Variants in KHDRBS3 observed in about 807,000 individuals in gnomAD.
KHDRBS3 encodes the protein KH RNA binding domain containing, signal transduction associated 3, also known as KH domain-containing, RNA-binding, signal transduction-associated protein 3.
A neutral mutation model predicts 45.6 loss-of-function variants in KHDRBS3; 23 were observed. The ratio of observed to expected loss-of-function variants is 0.50; its 90% CI spans 0.36 to 0.72. The LOEUF is 0.72. Ranked by LOEUF, KHDRBS3 falls within the 30% of genes least tolerant of loss-of-function variation. The pLI, the probability that KHDRBS3 is intolerant of heterozygous loss-of-function variation, is 0.00. For synonymous variants in KHDRBS3, 162 were observed against 156.5 expected (o/e 1.04, Z -0.26); for missense variants, 352 against 424.8 (o/e 0.83, Z 1.51).
chr8:135,646,616 A>G (rs947762293), intron 8 of KHDRBS3, among the ~76,000 whole-genome samples: 1 of 152,090 alleles, frequency 6.6e-6, no homozygotes, highest in African/African-American at 2.4e-5. Context: ...CATCTAAGTG[A>G]TCCTTTTCCC....
intron 1 of KHDRBS3, among the ~76,000 whole-genome samples, chr8:135,518,423 C>T (rs767902611): frequency 6.6e-6 from 1 of 152,108 alleles, no homozygotes; most frequent in African/African-American, 2.4e-5. Flanking sequence ...ATCCACCCGC[C>T]TCGGCCTCCC....
intron 1 of KHDRBS3, among the ~76,000 whole-genome samples, chr8:135,469,935 A>C (rs139150237): frequency 1.3e-3 from 201 of 152,374 alleles, no homozygotes; most frequent in Non-Finnish European, 2.0e-3. Context: ...GCTTGAGCAT[A>C]AAGATGGAGG....
chr8:135,488,121 T>G (rs1337937809), intron 1 of KHDRBS3, among the ~76,000 whole-genome samples: 1 of 152,174 alleles, frequency 6.6e-6, no homozygotes, highest in Non-Finnish European at 1.5e-5. Flanking sequence ...AGTATACAAG[T>G]ATGTTTATAT....
At chr8:135,627,450 T>C (rs1265729947) in intron 7 of KHDRBS3, among the ~76,000 whole-genome samples, 1 of 152,206 alleles carries the variant, frequency 6.6e-6, no homozygotes, top group Non-Finnish European at 1.5e-5. Context: ...TGCAAAAGGA[T>C]TGATACATTA....
chr8:135,606,494 G>C (rs1368837421), intron 6 of KHDRBS3, among the ~76,000 whole-genome samples: 1 of 152,128 alleles, frequency 6.6e-6, no homozygotes, highest in Non-Finnish European at 1.5e-5. Flanking sequence ...AGTTCTCTAG[G>C]AATGGCGTTT....
intron 7 of KHDRBS3, among the ~76,000 whole-genome samples, chr8:135,628,203 G>T (rs1586828724): frequency 6.6e-6 from 1 of 151,930 alleles, no homozygotes; most frequent in Non-Finnish European, 1.5e-5. Flanking sequence ...GGGTTTCTCG[G>T]TATCATCATG....
chr8:135,507,592 A>G (rs1383231537), intron 1 of KHDRBS3, among the ~76,000 whole-genome samples: 2 of 152,176 alleles, frequency 1.3e-5, no homozygotes, highest in Non-Finnish European at 2.9e-5. Context: ...TTGCTTCAGC[A>G]TGTGAATGTC....
intron 6 of KHDRBS3, among the ~76,000 whole-genome samples, chr8:135,594,558 C>G (rs1182860692): frequency 6.6e-6 from 1 of 152,152 alleles, no homozygotes; most frequent in East Asian, 1.9e-4. Flanking sequence ...TACTTGATAC[C>G]TGACACATTA....
At chr8:135,644,422 T>C (rs760324007) in intron 7 of KHDRBS3, among the ~76,000 whole-genome samples, 11 of 152,352 alleles carry the variant, frequency 7.2e-5, no homozygotes, top group Admixed American at 1.3e-4. Context: ...CATGTGGCCA[T>C]GGCTGCTGAG....
intron 5 of KHDRBS3, among the ~76,000 whole-genome samples, chr8:135,579,943 T>C (rs1392403895): frequency 6.6e-6 from 1 of 152,200 alleles, no homozygotes; most frequent in East Asian, 1.9e-4. Context: ...TTAGACTGTC[T>C]TTATCCACAT....
intron 5 of KHDRBS3, among the ~76,000 whole-genome samples, chr8:135,563,999 GGTTTT>G (rs1051420040): frequency 4.4e-4 from 67 of 152,242 alleles, no homozygotes; most frequent in African/African-American, 1.5e-3. Flanking sequence ...TTAATGTAGT[GGTTTT>G]GTTTTAAGTG....
At chr8:135,507,459 GAATGCGT>G (rs1024285266) in intron 1 of KHDRBS3, among the ~76,000 whole-genome samples, 1 of 152,168 alleles carries the variant, frequency 6.6e-6, no homozygotes, top group African/African-American at 2.4e-5. Flanking sequence ...GAACCCTCTA[GAATGCGT>G]AATTTTTTAA....
intron 5 of KHDRBS3, among the ~76,000 whole-genome samples, chr8:135,564,325 T>C (rs899201670): frequency 1.3e-5 from 2 of 152,246 alleles, no homozygotes; most frequent in Admixed American, 6.5e-5. Context: ...TCCCATGGTT[T>C]GAGAAGTTAC....
chr8:135,469,214 AAAG>A (rs200068104), intron 1 of KHDRBS3, among the ~76,000 whole-genome samples: 1,551 of 152,384 alleles, frequency 0.01, 21 homozygotes, highest in African/African-American at 0.033. Context: ...TTCATTCAAA[AAAG>A]GATTTTATTA....
intron 7 of KHDRBS3, among the ~76,000 whole-genome samples, chr8:135,628,120 CT>C (rs1472159207): frequency 1.3e-5 from 2 of 151,918 alleles, no homozygotes; most frequent in Non-Finnish European, 2.9e-5. Context: ...TGAAGCATTT[CT>C]TTTTTCAGGA....
intron 7 of KHDRBS3, among the ~76,000 whole-genome samples, chr8:135,614,790 A>G (rs976325605): frequency 6.6e-6 from 1 of 151,838 alleles, no homozygotes; most frequent in African/African-American, 2.4e-5. Flanking sequence ...TTATTTGGTG[A>G]CGCTTGTTAA....
chr8:135,635,461 G>A lies in KHDRBS3; in HGVS notation c.891-9598G>A, dbSNP rs545415530. On this transcript the variant is annotated intron_variant, in intron 7 of 8. Coordinates refer to ENST00000355849, the MANE Select transcript of KHDRBS3 (RefSeq NM_006558.3). ...TGTAGTGGCACGATCTTGGCTCACC[G>A]CAAACTCTGCTTCCCAGGTTCAAGC... Among the ~76,000 whole-genome samples the A allele has an allele frequency of 7.2e-5, 11 of 152,254 alleles. No homozygotes were observed. In the South Asian group the frequency reaches 8.3e-4, roughly 11 times the overall value.
At chr8:135,551,341 G>A (rs1280499686) in intron 4 of KHDRBS3, among the ~76,000 whole-genome samples, 1 of 152,064 alleles carries the variant, frequency 6.6e-6, no homozygotes, top group African/African-American at 2.4e-5. Context: ...TAAAATTGGA[G>A]GGGAAAGCAT....
At chr8:135,582,288 G>T (rs1032969991) in intron 6 of KHDRBS3, among the ~76,000 whole-genome samples, 3 of 152,172 alleles carry the variant, frequency 2.0e-5, no homozygotes, top group Admixed American at 6.5e-5. Flanking sequence ...TAAATCTAAG[G>T]TATGGAAGAG....
Sources: allele counts gnomAD v4.1 joint callset (sites outside exome capture counted in the v4.1 genomes callset), GRCh38; gene constraint gnomAD v4.1.1; transcripts MANE v1.5; gene names NCBI Gene and HGNC (gene_info 2026-07-23, HGNC 2026-07-21).